Variants in DIAPH1 observed in about 807,000 individuals in gnomAD.
The protein encoded by DIAPH1 is protein diaphanous homolog 1.
DIAPH1 carries 46 observed loss-of-function variants against 140.7 expected under a neutral mutation model. The ratio of observed to expected loss-of-function variants is 0.33; its 90% CI spans 0.26 to 0.42. The LOEUF is 0.42. Among genes scored for constraint, DIAPH1 ranks in the 10% least tolerant of loss-of-function variants. The pLI, the probability that DIAPH1 is intolerant of heterozygous loss-of-function variation, is 1.00. For synonymous variants in DIAPH1, 565 were observed against 551.6 expected (o/e 1.02, Z -0.34); for missense variants, 1,310 against 1,558.7 (o/e 0.84, Z 2.69).
At chr5:141,608,404 T>G (rs1304654006) in intron 1 of DIAPH1, among the ~76,000 whole-genome samples, 1 of 152,276 alleles carries the variant, frequency 6.6e-6, no homozygotes, top group Non-Finnish European at 1.5e-5. Context: ...GTCAGTCCAA[T>G]AGCCTTTCCA....
intron 1 of DIAPH1, among the ~76,000 whole-genome samples, chr5:141,590,059 C>T (rs570978887): frequency 6.6e-6 from 1 of 152,198 alleles, no homozygotes; most frequent in African/African-American, 2.4e-5. Context: ...TTGGTAAATG[C>T]TTCTTGAATA....
intron 4 of DIAPH1, 67 bp downstream of exon 4, chr5:141,584,056 CA>C (rs372035027): frequency 3.1e-3 from 2,565 of 819,346 alleles, no homozygotes; most frequent in Non-Finnish European, 3.6e-3. Flanking sequence ...ATAAAATTGG[CA>C]AAAAAAAAAC....
At chr5:141,581,616 G>A in intron 7 of DIAPH1, among the ~76,000 whole-genome samples, 1 of 152,204 alleles carries the variant, frequency 6.6e-6, no homozygotes, top group East Asian at 1.9e-4. Flanking sequence ...GCACAGGACT[G>A]TGGGCTCACT....
At chr5:141,582,117 T>G in intron 7 of DIAPH1, 195 bp downstream of exon 7, 2 of 442,476 alleles carry the variant, frequency 4.5e-6, no homozygotes, top group Non-Finnish European at 4.1e-6. Context: ...GCCTGTCCTC[T>G]GAAACAGAAG....
At chr5:141,523,487 T>C (rs1397405685) in intron 27 of DIAPH1, among the ~76,000 whole-genome samples, 4 of 152,174 alleles carry the variant, frequency 2.6e-5, no homozygotes, top group African/African-American at 9.7e-5. Context: ...TCCATAATTC[T>C]TTTTAGAATC....
intron 18 of DIAPH1, among the ~76,000 whole-genome samples, chr5:141,550,206 T>C (rs930189882): frequency 6.6e-6 from 1 of 152,174 alleles, no homozygotes; most frequent in African/African-American, 2.4e-5. Context: ...ATGTACCTAA[T>C]AACATTATCT....
intron 18 of DIAPH1, chr5:141,560,546 A>G (rs530118250): frequency 1.1e-3 from 181 of 163,482 alleles, no homozygotes; most frequent in Non-Finnish European, 1.8e-3. Context: ...AATTGGAAAT[A>G]ATAGTTGATA....
intron 18 of DIAPH1, among the ~76,000 whole-genome samples, chr5:141,551,623 G>T (rs2099891698): frequency 6.6e-6 from 1 of 151,938 alleles, no homozygotes; most frequent in South Asian, 2.1e-4. Flanking sequence ...TACTATTCTA[G>T]CAGCTTTTCT....
intron 1 of DIAPH1, among the ~76,000 whole-genome samples, chr5:141,612,039 C>A (rs1343007645): frequency 6.6e-6 from 1 of 152,194 alleles, no homozygotes; most frequent in South Asian, 2.1e-4. Context: ...TGTACTCCAG[C>A]CTGAGCGACG....
chr5:141,560,945 G>A (rs1297521379), intron 18 of DIAPH1: 2 of 454,444 alleles, frequency 4.4e-6, no homozygotes, highest in African/African-American at 2.0e-5. Context: ...ATGAGGGGGG[G>A]AAGGGGTGGA....
At chr5:141,533,234 G>A (rs1454627173) in intron 19 of DIAPH1, among the ~76,000 whole-genome samples, 1 of 152,146 alleles carries the variant, frequency 6.6e-6, no homozygotes, top group Non-Finnish European at 1.5e-5. Context: ...CTATAACATA[G>A]CAGACCCTGA....
At chr5:141,604,169 G>C (rs572020072) in intron 1 of DIAPH1, among the ~76,000 whole-genome samples, 1 of 152,290 alleles carries the variant, frequency 6.6e-6, no homozygotes, top group South Asian at 2.1e-4. Flanking sequence ...ATCTTCTGCT[G>C]TTCAGAAGGT....
chr5:141,577,281 G>C (rs1277718546), intron 12 of DIAPH1, among the ~76,000 whole-genome samples, 194 bp downstream of exon 12: 1 of 152,142 alleles, frequency 6.6e-6, no homozygotes, highest in African/African-American at 2.4e-5. Context: ...TATACACTCT[G>C]ACCTCTGCCA....
rs547600019 is a variant in DIAPH1, at chr5:141,517,087, C to T, written c.3662-79G>A. On this transcript the variant is annotated intron_variant, in intron 27 of 27. Coordinates refer to ENST00000389054, the MANE Select transcript of DIAPH1 (RefSeq NM_005219.5). ...TTCAAACTCTACAGCAGATAATCAGCGTAAGCCATGCAGACATGACTACCT... is the reference window on the plus strand; with the variant it reads ...TTCAAACTCTACAGCAGATAATCAGTGTAAGCCATGCAGACATGACTACCT... The T allele has an allele frequency of 7.8e-4, 1,207 of 1,556,068 alleles. 16 individuals are homozygous for T. The South Asian group carries it at 0.012, about 15-fold the overall frequency.
At position 141,573,788 on chromosome 5, in the gene DIAPH1, G is replaced by T; in HGVS notation, c.2062C>A (p.Pro688Thr). 3 of 1,194,866 alleles carry T rather than the reference G, an allele frequency of 2.5e-6. No individual in the cohort carries two copies. The highest frequency in any genetic ancestry group is 1.4e-5 in the South Asian group (1 of 71,672). The allele number at this position is 1,194,866 out of a possible 1,614,324, so 74.0% of individuals were successfully genotyped here. ...CCAGGCAAAGGAGGTGGTGGTGGGG[G>T]GATTCTAGCACTCCCAGGCAAAGGA... ...PPPLPGSARI[P>T]PPPPPLPGSA... Residue 688 changes from proline to threonine, a missense_variant, in exon 16 of 28, where the codon CCC (proline) becomes ACC (threonine). By Grantham distance (38) the Pro-to-Thr change is conservative (BLOSUM62 -1). This residue lies in a region of DIAPH1 where 589 missense variants were observed against 549.3 expected (regional missense o/e 1.07). Transcript: ENST00000389054.
intron 18 of DIAPH1, among the ~76,000 whole-genome samples, chr5:141,566,920 CAAAA>C (rs763316931): frequency 6.6e-6 from 1 of 151,852 alleles, no homozygotes; most frequent in Admixed American, 6.6e-5. Context: ...CAAAACAAAA[CAAAA>C]CAAAACCACA....
At chr5:141,559,379 T>C (rs1036151735) in intron 18 of DIAPH1, among the ~76,000 whole-genome samples, 2 of 152,120 alleles carry the variant, frequency 1.3e-5, no homozygotes, top group Non-Finnish European at 2.9e-5. Context: ...GGCCAAAATA[T>C]ACAACTATCT....
At chr5:141,572,430 T>C (rs2099895325) in intron 16 of DIAPH1, among the ~76,000 whole-genome samples, 1 of 152,152 alleles carries the variant, frequency 6.6e-6, no homozygotes, top group African/African-American at 2.4e-5. Flanking sequence ...TAACTTGGTT[T>C]CTAGAAGAAA....
At chr5:141,551,504 C>T (rs1270737120) in intron 18 of DIAPH1, among the ~76,000 whole-genome samples, 1 of 152,050 alleles carries the variant, frequency 6.6e-6, no homozygotes, top group Non-Finnish European at 1.5e-5. Context: ...ATACTATACT[C>T]ACATACACAT....
Sources: allele counts gnomAD v4.1 joint callset (sites outside exome capture counted in the v4.1 genomes callset), GRCh38; gene constraint gnomAD v4.1.1; regional missense constraint gnomAD v4.1.1; transcripts MANE v1.5; gene names NCBI Gene and HGNC (gene_info 2026-07-23, HGNC 2026-07-21).